The following EML6 variants were observed in gnomAD, a reference collection of about 807,000 sequenced individuals.
EML6 encodes the protein EMAP like 6.
Under a neutral mutation model 240.1 loss-of-function variants are expected in EML6, and 154 were observed. The observed-to-expected ratio is 0.64, with a 90% confidence interval of 0.56 to 0.73. The LOEUF is 0.73. Ranked by LOEUF, EML6 falls within the 30% of genes least tolerant of loss-of-function variation. EML6 has a pLI of 0.00. For missense variants in EML6, 2,964 were observed against 2,474.6 expected (o/e 1.20, Z -4.20); for synonymous variants, 1,148 against 899.0 (o/e 1.28, Z -4.95).
intron 5 of EML6, among the ~76,000 whole-genome samples, chr2:54,821,316 A>G (rs1205439667): frequency 6.6e-6 from 1 of 152,160 alleles, no homozygotes; most frequent in Non-Finnish European, 1.5e-5. Context: ...CAGAGGATAA[A>G]ATACTCAAAT....
At chr2:54,970,003 GT>G (rs1676919607) in intron 41 of EML6, 67 bp from the exon 42 acceptor site, 2 of 1,518,554 alleles carry the variant, frequency 1.3e-6, no homozygotes, top group East Asian at 4.9e-5. Context: ...TGGCAAGATT[GT>G]TTTTTGCCAC....
At chr2:54,739,136 AT>A (rs1037503955) in intron 2 of EML6, among the ~76,000 whole-genome samples, 69 of 152,344 alleles carry the variant, frequency 4.5e-4, no homozygotes, top group African/African-American at 1.6e-3. Flanking sequence ...TCTATAGGAA[AT>A]TCTTTTGAAA....
At chr2:54,761,943 G>A (rs1198376536) in intron 2 of EML6, among the ~76,000 whole-genome samples, 1 of 151,920 alleles carries the variant, frequency 6.6e-6, no homozygotes, top group African/African-American at 2.4e-5. Context: ...TAAGAATAAG[G>A]ATAGTCACTT....
At chr2:54,730,953 C>G (rs1417243461) in intron 2 of EML6, among the ~76,000 whole-genome samples, 1 of 152,058 alleles carries the variant, frequency 6.6e-6, no homozygotes, top group East Asian at 1.9e-4. Context: ...AATAAGATGA[C>G]TATAGATTGT....
rs552425654 is a variant in EML6 at position 54,813,704 on chromosome 2, A to G, written c.357+313A>G. On this transcript the variant is annotated intron_variant, in intron 3 of 41. Transcript: ENST00000356458. ...CTTTGTTGTCTGTTGTTAGCTTCCT[A>G]TTTGGAGTAAGGGCTAGACCAAGCC... Among the ~76,000 whole-genome samples the G allele has an allele frequency of 2.7e-4, 41 of 152,252 alleles. No homozygotes were observed. The South Asian group carries it at 8.1e-3, about 30-fold the overall frequency.
chr2:54,844,075 A>T lies in EML6; in HGVS notation c.876A>T (p.Lys292Asn). 1 of 1,551,024 alleles carries T rather than the reference A, an allele frequency of 6.4e-7. No individual in the cohort carries two copies. Among genetic ancestry groups the T allele is most frequent in the Non-Finnish European group, 8.7e-7 (1 of 1,146,860 alleles). The change falls in exon 8 of 42, where the codon AAA (lysine) becomes AAT (asparagine). Residue 292 changes from lysine to asparagine, a missense_variant. By Grantham distance (94) the Lys-to-Asn change is moderately conservative. Coordinates refer to ENST00000356458, the MANE Select transcript of EML6 (RefSeq NM_001039753.4). ...KGLSIRSVCW[K>N]ADRLLAGTQD... ...TCTCTATCCGGAGCGTGTGCTGGAA[A>T]GCAGACCGCCTTCTAGCAGGGACCC...
rs1277946261 is a variant in EML6 at position 54,863,729 on chromosome 2, G to C, written c.1826-54G>C. On this transcript the variant is annotated intron_variant, in intron 12 of 41. Transcript: ENST00000356458. ...AGGAAAAATATTTTAGATAATTTCAGTTGCTCAGAGTCTCAGAATTTTTGC... is the reference window on the plus strand; with the variant it reads ...AGGAAAAATATTTTAGATAATTTCACTTGCTCAGAGTCTCAGAATTTTTGC... The C allele has an allele frequency of 5.9e-6, 5 of 848,396 alleles. No homozygotes were observed. The African/African-American group carries it at 8.6e-5, about 15-fold the overall frequency. 52.6% of individuals were successfully genotyped at this position (848,396 alleles called of 1,614,324 possible).
At chr2:54,865,747 C>T (rs1044269712) in intron 13 of EML6, among the ~76,000 whole-genome samples, 2 of 152,196 alleles carry the variant, frequency 1.3e-5, no homozygotes, top group African/African-American at 4.8e-5. Flanking sequence ...AATACTCAAC[C>T]TGTATATTCT....
intron 2 of EML6, among the ~76,000 whole-genome samples, chr2:54,811,679 C>CAACA (rs113356663): frequency 7.2e-5 from 11 of 152,320 alleles, no homozygotes; most frequent in African/African-American, 2.6e-4. Flanking sequence ...ACTGGTTTAT[C>CAACA]AACAGGGTTT....
chr2:54,885,884 T>A (rs1402270611), intron 17 of EML6, among the ~76,000 whole-genome samples: 5 of 152,176 alleles, frequency 3.3e-5, no homozygotes. Context: ...GTGCTGAGAT[T>A]ACAGGCGTGA....
chr2:54,875,245 C>T (rs1169565790), intron 16 of EML6, among the ~76,000 whole-genome samples: 1 of 152,162 alleles, frequency 6.6e-6, no homozygotes, highest in Non-Finnish European at 1.5e-5. Context: ...ACACACTTAC[C>T]TGAAGTATGA....
Position 54,871,207 on chromosome 2 carries a change from G to C in EML6, c.2239-293G>C, listed in dbSNP as rs1671239156. 2.6e-5 allele frequency among the ~76,000 whole-genome samples: 4 copies of C among 152,170 alleles called. No individual in the cohort carries two copies. The South Asian group carries it at 8.3e-4, about 32-fold the overall frequency. ...TGGGAAGGCAGGAGAGGGAATGGTA[G>C]AAGTAACTGACAAAAACAAGGCACA... On this transcript the variant is annotated intron_variant, in intron 15 of 41. Coordinates refer to ENST00000356458, the MANE Select transcript of EML6 (RefSeq NM_001039753.4).
At chr2:54,852,444 A>G (rs1670141565) in intron 10 of EML6, among the ~76,000 whole-genome samples, 1 of 152,180 alleles carries the variant, frequency 6.6e-6, no homozygotes, top group Non-Finnish European at 1.5e-5. Flanking sequence ...ATAAAATACC[A>G]TCCTGTTCAG....
intron 17 of EML6, among the ~76,000 whole-genome samples, chr2:54,884,626 G>T (rs532720437): frequency 6.6e-6 from 1 of 152,306 alleles, no homozygotes; most frequent in South Asian, 2.1e-4. Context: ...AGTAGGTCAG[G>T]AAATGGAGGG....
chr2:54,971,063 T>C lies in EML6; in HGVS notation c.*968T>C, dbSNP rs575533269. 45 of 152,324 alleles carry C rather than the reference T, an allele frequency of 3.0e-4. No homozygotes were observed. The highest frequency in any genetic ancestry group is 1.1e-3 in the African/African-American group (44 of 41,562). 9.4% of individuals were successfully genotyped at this position (152,324 alleles called of 1,614,324 possible). A position where few individuals can be genotyped will look rare whatever the true frequency, so the allele number is the denominator to read the frequency against. ...TTATCTCGTTAAATCTTAAGATAAA[T>C]GAGGGTAACCCAAGGCTGCACCTTG... On this transcript the variant is annotated 3_prime_UTR_variant, in exon 42 of 42. Transcript: ENST00000356458.
intron 2 of EML6, among the ~76,000 whole-genome samples, chr2:54,795,575 C>T (rs1157168268): frequency 6.6e-6 from 1 of 152,120 alleles, no homozygotes; most frequent in Non-Finnish European, 1.5e-5. Flanking sequence ...GGTGTAGCAT[C>T]CTGCCACTGC....
chr2:54,916,136 G>A (rs1673897594), intron 25 of EML6, among the ~76,000 whole-genome samples: 1 of 152,182 alleles, frequency 6.6e-6, no homozygotes, highest in Non-Finnish European at 1.5e-5. Flanking sequence ...AGGATATTAA[G>A]CTTGCTGCAG....
chr2:54,798,029 A>G (rs963634797), intron 2 of EML6, among the ~76,000 whole-genome samples: 1 of 152,182 alleles, frequency 6.6e-6, no homozygotes, highest in Non-Finnish European at 1.5e-5. Context: ...CAATTTCTAT[A>G]AAAAAGCTTG....
At chr2:54,768,844 AT>A (rs1312229929) in intron 2 of EML6, among the ~76,000 whole-genome samples, 1 of 152,064 alleles carries the variant, frequency 6.6e-6, no homozygotes, top group East Asian at 1.9e-4. Context: ...AATAAATGGG[AT>A]TTTGGCTTCT....
Sources: gnomAD v4.1 joint callset for allele counts (sites outside exome capture counted in the v4.1 genomes callset) on GRCh38, gnomAD v4.1.1 for gene constraint, MANE v1.5 for transcripts, NCBI Gene and HGNC (gene_info 2026-07-23, HGNC 2026-07-21) for gene names.